SCN11A: variants seen among roughly 807,000 people sequenced by gnomAD.
The protein encoded by SCN11A is sodium channel protein type 11 subunit alpha.
In SCN11A, 122 loss-of-function variants were observed where a neutral mutation model predicts 162.2. The ratio of observed to expected loss-of-function variants is 0.75; its 90% CI spans 0.65 to 0.87. The LOEUF is 0.87. Ranked by LOEUF, SCN11A falls within the 40% of genes least tolerant of loss-of-function variation. The probability of loss-of-function intolerance (pLI) is 0.00; values close to 1 mark genes in which losing one functional copy is unlikely to be tolerated. For synonymous variants in SCN11A, 758 were observed against 751.5 expected, an observed-to-expected ratio of 1.01 and a Z score of -0.14; for missense variants, 2,015 against 2,181.6, an observed-to-expected ratio of 0.92 and a Z score of 1.52.
At chr3:39,013,566 A>G (rs1376486488) in intron 2 of SCN11A, among the ~76,000 whole-genome samples, 1 of 152,162 alleles carries the variant, frequency 6.6e-6, no homozygotes, top group Non-Finnish European at 1.5e-5. Flanking sequence ...GAAGAAAGGG[A>G]GAGGCACAAA....
chr3:38,945,423 G>T lies in SCN11A; in HGVS notation c.476C>A (p.Thr159Asn). The T allele has an allele frequency of 6.2e-7, 1 of 1,609,336 alleles. No individual in the cohort carries two copies. Among genetic ancestry groups the T allele is most frequent in the Non-Finnish European group, 8.5e-7 (1 of 1,176,214 alleles). The stretch of plus-strand genomic sequence containing the variant: ...GAAAAATACTTACTCTGCAATGTCA[G>T]TATTGTTACTGTTGCTGTTTTTAGC... ...GPAKNSNSNN[T>N]DIAECVFTGI... Residue 159 changes from threonine (T) to asparagine (N), a missense_variant, in exon 7 of 30, where the codon ACT (threonine) becomes AAT (asparagine). Transcript: ENST00000302328.
intron 29 of SCN11A, among the ~76,000 whole-genome samples, chr3:38,848,973 G>A (rs2064725266): frequency 2.0e-5 from 3 of 152,168 alleles, no homozygotes; most frequent in African/African-American, 2.4e-5. Flanking sequence ...GTCCACATTA[G>A]TAAGTAGGAT....
intron 2 of SCN11A, among the ~76,000 whole-genome samples, chr3:38,976,508 T>C (rs570986259): frequency 1.3e-4 from 20 of 152,326 alleles, no homozygotes; most frequent in Non-Finnish European, 2.5e-4. Context: ...AGCACTGATA[T>C]GACATTCAAA....
intron 7 of SCN11A, among the ~76,000 whole-genome samples, chr3:38,938,507 A>T (rs2066373516): frequency 9.4e-6 from 1 of 105,858 alleles, no homozygotes; most frequent in African/African-American, 3.7e-5. Context: ...AAGGAAAAAT[A>T]TCATATATAT....
intron 22 of SCN11A, 35 bp from the exon 23 acceptor site, chr3:38,880,158 A>G: frequency 3.3e-6 from 5 of 1,499,724 alleles, no homozygotes; most frequent in Non-Finnish European, 4.5e-6. Context: ...GGCCAGGTTG[A>G]ATATTTGCAA....
chr3:38,993,280 T>C (rs921315547), intron 2 of SCN11A, among the ~76,000 whole-genome samples: 15 of 152,226 alleles, frequency 9.9e-5, no homozygotes, highest in African/African-American at 3.6e-4. Flanking sequence ...GTTTTATTCA[T>C]TGGAGAATCC....
rs1393925732 is a variant in SCN11A, at chr3:38,846,717, T to C, written c.5353A>G (p.Lys1785Glu). Reference protein sequence around the residue: ...NGDLSSFGVAKGKVHCD With the variant: ...NGDLSSFGVAEGKVHCD Reference sequence around the variant, plus strand: ...GCTCAGTCACAGTGGACCTTGCCCTTGGCCACCCCAAAGCTAGACAAGTCT... The same window carrying C: ...GCTCAGTCACAGTGGACCTTGCCCTCGGCCACCCCAAAGCTAGACAAGTCT... Residue 1785 changes from lysine to glutamate, a missense_variant, in exon 30 of 30, where the codon AAG becomes GAG. By Grantham distance (56) the Lys-to-Glu change is moderately conservative (BLOSUM62 1). Transcript: ENST00000302328. The C allele has an allele frequency of 6.2e-7, 1 of 1,613,954 alleles. No homozygotes were observed. Among genetic ancestry groups the C allele is most frequent in the Admixed American group, 1.7e-5 (1 of 60,000 alleles).
chr3:38,911,170 T>C (rs2065882529), intron 11 of SCN11A, among the ~76,000 whole-genome samples: 1 of 152,174 alleles, frequency 6.6e-6, no homozygotes, highest in South Asian at 2.1e-4. Flanking sequence ...TTCATGTTGC[T>C]TTTTTATGTT....
rs149411367 is a variant in SCN11A at position 39,007,370 on chromosome 3, G to A, written c.-280+25010C>T. On this transcript the variant is annotated intron_variant, in intron 2 of 29. Coordinates refer to ENST00000302328, the MANE Select transcript of SCN11A (RefSeq NM_001349253.2). ...GTTATAACATTGGGTCTTAGTCCCC[G>A]GTTCCTGACATAAGAGCCTCTATGA... 2.9e-3 allele frequency among the ~76,000 whole-genome samples: 444 copies of A among 152,194 alleles called. 6 individuals carry two copies. The highest frequency in any genetic ancestry group is 0.01 in the African/African-American group (422 of 41,518).
chr3:38,950,094 A>G lies in SCN11A; in HGVS notation c.267+2T>C. 2 of 506,740 alleles carry G rather than the reference A, an allele frequency of 3.9e-6. No homozygotes were observed. The highest frequency in any genetic ancestry group is 6.1e-6 in the Non-Finnish European group (2 of 330,152). 31.4% of individuals were successfully genotyped at this position (506,740 alleles called of 1,614,324 possible). A position where few individuals can be genotyped will look rare whatever the true frequency, so the allele number is the denominator to read the frequency against. ...ACCCCCCCCCCCCGCCCAATGAAGT[A>G]CCTTATGATTTCGGTAGAATGGGTC... is the stretch of plus-strand genomic sequence containing the variant. On this transcript the variant is annotated splice_donor_variant, in intron 5 of 29. Transcript: ENST00000302328. LOFTEE classifies it high-confidence loss of function.
chr3:38,904,342 T>G (rs1408333633), intron 15 of SCN11A, among the ~76,000 whole-genome samples: 1 of 152,208 alleles, frequency 6.6e-6, no homozygotes, highest in African/African-American at 2.4e-5. Flanking sequence ...ACACTCTTAC[T>G]GAGCATCCAG....
rs183701891 is a variant in SCN11A, at chr3:38,994,787, G to A, written c.-279-34364C>T. 2.0e-5 allele frequency among the ~76,000 whole-genome samples: 3 copies of A among 152,192 alleles called. No homozygotes were observed. In the East Asian group the frequency reaches 5.8e-4, roughly 29 times the overall value. On this transcript the variant is annotated intron_variant, in intron 2 of 29. Coordinates refer to ENST00000302328, the MANE Select transcript of SCN11A (RefSeq NM_001349253.2). ...ACTTGGCCCACAAGATCCACCTGGAGACAGATGGAAGCTGGAGGGACCTAC... is the reference window on the plus strand; with the variant it reads ...ACTTGGCCCACAAGATCCACCTGGAAACAGATGGAAGCTGGAGGGACCTAC...
intron 2 of SCN11A, among the ~76,000 whole-genome samples, chr3:39,029,770 C>T (rs2031697506): frequency 6.6e-6 from 1 of 152,202 alleles, no homozygotes; most frequent in Admixed American, 6.5e-5. Context: ...ATTTACCATT[C>T]AAAGGCTTCT....
At chr3:38,968,615 C>T (rs1299641889) in intron 2 of SCN11A, among the ~76,000 whole-genome samples, 1 of 152,186 alleles carries the variant, frequency 6.6e-6, no homozygotes, top group Non-Finnish European at 1.5e-5. Context: ...TGCACACACA[C>T]ATATGCTTAC....
intron 8 of SCN11A, among the ~76,000 whole-genome samples, chr3:38,925,939 C>T (rs777867714): frequency 5.3e-5 from 8 of 152,232 alleles, no homozygotes; most frequent in Non-Finnish European, 1.0e-4. Context: ...TGTGCTTCAC[C>T]ACCTTTCAAT....
intron 2 of SCN11A, among the ~76,000 whole-genome samples, chr3:38,995,272 C>A (rs1474017432): frequency 6.6e-6 from 1 of 152,064 alleles, no homozygotes; most frequent in African/African-American, 2.4e-5. Flanking sequence ...AGGCACCCAC[C>A]ACCATGCCCA....
intron 2 of SCN11A, among the ~76,000 whole-genome samples, chr3:38,966,741 C>T (rs1011800642): frequency 3.3e-5 from 5 of 152,212 alleles, no homozygotes; most frequent in Non-Finnish European, 7.3e-5. Flanking sequence ...ACTGACCAAT[C>T]TCTCTTCCTA....
chr3:39,029,557 T>C (rs17790251), intron 2 of SCN11A, among the ~76,000 whole-genome samples: 15,512 of 152,268 alleles, frequency 0.1, 1,058 homozygotes, highest in Non-Finnish European at 0.15. Context: ...CATGAAGAGA[T>C]GGTTCAAGGC....
At chr3:38,880,870 C>T (rs534979029) in intron 22 of SCN11A, among the ~76,000 whole-genome samples, 1 of 152,222 alleles carries the variant, frequency 6.6e-6, no homozygotes, top group East Asian at 1.9e-4. Flanking sequence ...ATATAACTAG[C>T]GTATAAGCTG....
Sources: gnomAD v4.1 joint callset for allele counts (sites outside exome capture counted in the v4.1 genomes callset) on GRCh38, gnomAD v4.1.1 for gene constraint, MANE v1.5 for transcripts, NCBI Gene and HGNC (gene_info 2026-07-23, HGNC 2026-07-21) for gene names.